The following SPOCK1 variants were observed in gnomAD, a reference collection of about 807,000 sequenced individuals.
SPOCK1 encodes testican-1.
In SPOCK1, 23 loss-of-function variants were observed where a neutral mutation model predicts 55.3. The ratio of observed to expected loss-of-function variants is 0.42; its 90% CI spans 0.30 to 0.59. The LOEUF (loss-of-function observed/expected upper bound fraction) is 0.59. Ranked by LOEUF, SPOCK1 falls within the 20% of genes least tolerant of loss-of-function variation. SPOCK1 has a pLI of 0.22. For synonymous variants in SPOCK1, 226 were observed against 221.0 expected (o/e 1.02, Z -0.20); for missense variants, 499 against 552.5 (o/e 0.90, Z 0.97).
chr5:137,080,961 A>G (rs1165928334), intron 5 of SPOCK1, among the ~76,000 whole-genome samples: 1 of 152,176 alleles, frequency 6.6e-6, no homozygotes, highest in African/African-American at 2.4e-5. Flanking sequence ...CTTCAAACCA[A>G]TTCTGAACTG....
chr5:137,377,279 G>A (rs1751339256), intron 2 of SPOCK1, among the ~76,000 whole-genome samples: 2 of 152,238 alleles, frequency 1.3e-5, no homozygotes, highest in East Asian at 1.9e-4. Context: ...TCCCCTGGGA[G>A]AATCTGATGC....
At position 136,976,868 on chromosome 5, in the gene SPOCK1, C is replaced by G. The variant is rs1235219399; in HGVS notation, c.*1786G>C. 1 of 152,224 alleles carries G rather than the reference C, an allele frequency of 6.6e-6. No homozygotes were observed. Among genetic ancestry groups the G allele is most frequent in the African/African-American group, 2.4e-5 (1 of 41,452 alleles). The allele number at this position is 152,224 out of a possible 1,614,324, so 9.4% of individuals were successfully genotyped here. Reference sequence around the variant, plus strand: ...TGCTACTGTATTCAGGCAATGCCGACTGGATTGGAACATGCTAATTTAAGG... The same window carrying G: ...TGCTACTGTATTCAGGCAATGCCGAGTGGATTGGAACATGCTAATTTAAGG... On this transcript the variant is annotated 3_prime_UTR_variant, in exon 11 of 11. Coordinates refer to ENST00000394945, the MANE Select transcript of SPOCK1 (RefSeq NM_004598.4).
intron 3 of SPOCK1, among the ~76,000 whole-genome samples, chr5:137,243,751 T>C (rs1756337329): frequency 6.6e-6 from 1 of 152,160 alleles, no homozygotes; most frequent in African/African-American, 2.4e-5. Flanking sequence ...TGACTGAACA[T>C]GGCTAGCTGC....
At chr5:137,493,561 C>T (rs193207666) in intron 2 of SPOCK1, among the ~76,000 whole-genome samples, 62 of 152,362 alleles carry the variant, frequency 4.1e-4, no homozygotes, top group African/African-American at 1.4e-3. Context: ...GACAAGAAGG[C>T]TCTTAGGCCT....
At chr5:137,248,488 T>C (rs1756443128) in intron 3 of SPOCK1, among the ~76,000 whole-genome samples, 1 of 152,232 alleles carries the variant, frequency 6.6e-6, no homozygotes, top group Non-Finnish European at 1.5e-5. Flanking sequence ...CAGCTACTTC[T>C]GTGGCTCCCT....
chr5:137,166,823 A>C (rs7712379), intron 3 of SPOCK1, among the ~76,000 whole-genome samples: 29,402 of 151,834 alleles, frequency 0.19, 2,962 homozygotes, highest in Middle Eastern at 0.28. Context: ...TGAATACACA[A>C]AAAACAAAAG....
At chr5:137,466,359 A>G (rs1168469726) in intron 2 of SPOCK1, among the ~76,000 whole-genome samples, 1 of 152,210 alleles carries the variant, frequency 6.6e-6, no homozygotes, top group East Asian at 1.9e-4. Flanking sequence ...AAAGGGGCTT[A>G]TTTCAGCTCC....
chr5:137,455,757 A>T (rs909057256), intron 2 of SPOCK1, among the ~76,000 whole-genome samples: 20 of 152,216 alleles, frequency 1.3e-4, no homozygotes, highest in African/African-American at 4.8e-4. Context: ...TCCTGGGCAC[A>T]GTGGCTCACA....
intron 6 of SPOCK1, among the ~76,000 whole-genome samples, chr5:137,022,563 A>G (rs547232801): frequency 6.6e-6 from 1 of 152,300 alleles, no homozygotes; most frequent in South Asian, 2.1e-4. Context: ...AGGATATAGA[A>G]TATTACACTC....
At chr5:137,290,519 T>G (rs1757353694) in intron 2 of SPOCK1, among the ~76,000 whole-genome samples, 1 of 152,262 alleles carries the variant, frequency 6.6e-6, no homozygotes, top group South Asian at 2.1e-4. Context: ...AGTAATATTC[T>G]GTTTCTTGAT....
rs1196976476 is a variant in SPOCK1, at chr5:137,160,577, AAT to A, written c.233-19885_233-19884del. Among the ~76,000 whole-genome samples, 270 of 58,232 alleles carry A rather than the reference AAT, an allele frequency of 4.6e-3. 4 individuals carry two copies. Among genetic ancestry groups the A allele is most frequent in the African/African-American group, 0.016 (253 of 15,612 alleles). The allele number at this position is 58,232 out of a possible 152,430, so 38.2% of individuals were successfully genotyped here. A position where few individuals can be genotyped will look rare whatever the true frequency, so the allele number is the denominator to read the frequency against. On this transcript the variant is annotated intron_variant, in intron 3 of 10. Transcript: ENST00000394945. ...ATATATTATATATTATATATTATAT[AAT>A]ATATATAATATATAATATATTATAT...
chr5:137,329,048 A>G (rs1758126221), intron 2 of SPOCK1, among the ~76,000 whole-genome samples: 1 of 152,202 alleles, frequency 6.6e-6, no homozygotes, highest in Non-Finnish European at 1.5e-5. Flanking sequence ...GTGAAGGTGT[A>G]TCTGGATGAG....
chr5:137,166,115 C>T (rs1347200679), intron 3 of SPOCK1, among the ~76,000 whole-genome samples: 3 of 151,988 alleles, frequency 2.0e-5, no homozygotes, highest in African/African-American at 7.2e-5. Flanking sequence ...CTCAGGACAT[C>T]TAATAATAAA....
chr5:137,194,011 G>A (rs1488928563), intron 3 of SPOCK1, among the ~76,000 whole-genome samples: 3 of 152,126 alleles, frequency 2.0e-5, no homozygotes, highest in African/African-American at 7.2e-5. Flanking sequence ...CAAAATGGCT[G>A]GGGTCAGCTC....
chr5:137,066,883 A>G (rs555935823), intron 6 of SPOCK1, among the ~76,000 whole-genome samples: 6 of 152,162 alleles, frequency 3.9e-5, no homozygotes, highest in African/African-American at 7.2e-5. Flanking sequence ...CATAGCTTAT[A>G]AAGAGCCAGA....
At chr5:136,990,330 T>C (rs1750923429) in intron 7 of SPOCK1, among the ~76,000 whole-genome samples, 1 of 152,034 alleles carries the variant, frequency 6.6e-6, no homozygotes, top group Non-Finnish European at 1.5e-5. Context: ...CCCCTCATTG[T>C]CCATGCTTGT....
intron 2 of SPOCK1, among the ~76,000 whole-genome samples, chr5:137,302,492 G>T (rs1757617559): frequency 6.6e-6 from 1 of 151,736 alleles, no homozygotes; most frequent in African/African-American, 2.4e-5. Context: ...CAGGAGAATG[G>T]CATGAACCTG....
chr5:137,200,850 C>T (rs1680458671), intron 3 of SPOCK1, among the ~76,000 whole-genome samples: 1 of 152,082 alleles, frequency 6.6e-6, no homozygotes, highest in African/African-American at 2.4e-5. Flanking sequence ...TAAAAACCTC[C>T]TGAGGTTGGA....
intron 2 of SPOCK1, among the ~76,000 whole-genome samples, chr5:137,301,345 A>G (rs1430655095): frequency 6.6e-6 from 1 of 152,208 alleles, no homozygotes; most frequent in Non-Finnish European, 1.5e-5. Flanking sequence ...ACCAACTGAG[A>G]GGCATCATGA....
Sources: allele counts gnomAD v4.1 joint callset (sites outside exome capture counted in the v4.1 genomes callset), GRCh38; gene constraint gnomAD v4.1.1; transcripts MANE v1.5; gene names NCBI Gene and HGNC (gene_info 2026-07-23, HGNC 2026-07-21).